The following NRAP variants were observed in gnomAD, a reference collection of about 807,000 sequenced individuals.
NRAP encodes nebulin related anchoring protein, also known as nebulin-related-anchoring protein.
Under a neutral mutation model 225.9 loss-of-function variants are expected in NRAP, and 189 were observed. That is an observed-to-expected ratio of 0.84 (90% CI 0.74 to 0.94). NRAP has a LOEUF of 0.94. NRAP is among the 40% of genes least tolerant of loss of function. The pLI, the probability that NRAP is intolerant of heterozygous loss-of-function variation, is 0.00. For missense variants in NRAP, 2,176 were observed against 2,168.7 expected (o/e 1.00, Z -0.07); for synonymous variants, 769 against 790.7 (o/e 0.97, Z 0.46).
intron 32 of NRAP, among the ~76,000 whole-genome samples, chr10:113,607,639 T>C (rs1476538315): frequency 6.6e-6 from 1 of 152,124 alleles, no homozygotes; most frequent in Non-Finnish European, 1.5e-5. Context: ...CAAGCTGCAA[T>C]TTCTTGCTTT....
At chr10:113,631,012 A>G (rs1343533991) in intron 18 of NRAP, among the ~76,000 whole-genome samples, 2 of 152,088 alleles carry the variant, frequency 1.3e-5, no homozygotes, top group African/African-American at 2.4e-5. Context: ...CTCTCCAGCT[A>G]TTACAGTTGT....
chr10:113,615,598 AT>A, intron 27 of NRAP, 113 bp downstream of exon 27: 1 of 706,924 alleles, frequency 1.4e-6, no homozygotes, highest in South Asian at 1.5e-5. Flanking sequence ...CAAGGTGGTG[AT>A]GGCAGAACAT....
chr10:113,628,777 G>A (rs918484748), intron 20 of NRAP, 140 bp downstream of exon 20: 4 of 594,878 alleles, frequency 6.7e-6, no homozygotes, highest in Non-Finnish European at 1.2e-5. Flanking sequence ...ATGTGCTACA[G>A]GTGTGAAATG....
At chr10:113,642,634 C>T (rs1849273519) in intron 12 of NRAP, among the ~76,000 whole-genome samples, 1 of 152,074 alleles carries the variant, frequency 6.6e-6, no homozygotes, top group South Asian at 2.1e-4. Context: ...TCAGCCAGGC[C>T]CCCTCACCAG....
intron 7 of NRAP, 134 bp from the exon 8 acceptor site, chr10:113,650,679 T>G: frequency 1.5e-6 from 1 of 669,484 alleles, no homozygotes; most frequent in Non-Finnish European, 2.7e-6. Flanking sequence ...GGCTTACAGT[T>G]TGATGGGCCA....
At chr10:113,633,869 T>C (rs1848709437) in intron 15 of NRAP, among the ~76,000 whole-genome samples, 1 of 152,102 alleles carries the variant, frequency 6.6e-6, no homozygotes, top group African/African-American at 2.4e-5. Flanking sequence ...TGGCCATGAG[T>C]TGATGGCTGT....
At chr10:113,624,953 C>T in intron 21 of NRAP, 23 bp from the exon 22 acceptor site, 1 of 1,541,478 alleles carries the variant, frequency 6.5e-7, no homozygotes, top group Middle Eastern at 1.7e-4. Context: ...AGCACTGAGT[C>T]AGGAGCAGGT....
chr10:113,648,483 A>ATATATG (rs1849737546), intron 9 of NRAP, among the ~76,000 whole-genome samples: 1 of 145,366 alleles, frequency 6.9e-6, no homozygotes, highest in African/African-American at 2.5e-5. Context: ...ATATATATAT[A>ATATATG]TATATATGTT....
chr10:113,603,187 C>T (rs1846713537), intron 35 of NRAP, among the ~76,000 whole-genome samples: 1 of 152,210 alleles, frequency 6.6e-6, no homozygotes, highest in Non-Finnish European at 1.5e-5. Flanking sequence ...ATGTTCCATG[C>T]CATCGTTACC....
At chr10:113,640,184 C>G (rs767346448) in intron 14 of NRAP, 43 bp downstream of exon 14, 2 of 1,143,798 alleles carry the variant, frequency 1.7e-6, no homozygotes, top group African/African-American at 1.6e-5. Flanking sequence ...AGGAAGGAAG[C>G]GACAAGTGAC....
chr10:113,637,636 T>A (rs951860369), intron 14 of NRAP, among the ~76,000 whole-genome samples: 1 of 152,112 alleles, frequency 6.6e-6, no homozygotes, highest in Non-Finnish European at 1.5e-5. Flanking sequence ...TTAAAAAACA[T>A]CATTAGGCTG....
chr10:113,605,884 CAT>C lies in NRAP; in HGVS notation c.3808-17_3808-16del. 6.4e-7 allele frequency: 1 copy of C among 1,573,832 alleles called. No homozygotes were observed. Among genetic ancestry groups the C allele is most frequent in the Non-Finnish European group, 8.7e-7 (1 of 1,145,854 alleles). On this transcript the variant is annotated splice_polypyrimidine_tract_variant and intron_variant, in intron 33 of 41. Transcript: ENST00000359988. ...TTGTATCTTGCCTAAAGTGGGAACA[CAT>C]GTAAATCTTTTTTAAAAAATTACAT...
At chr10:113,603,547 G>A (rs771255213) in intron 35 of NRAP, among the ~76,000 whole-genome samples, 4 of 152,090 alleles carry the variant, frequency 2.6e-5, no homozygotes, top group African/African-American at 4.8e-5. Flanking sequence ...GACTGCTTTC[G>A]CAAGTTTAAA....
chr10:113,628,867 G>A, intron 20 of NRAP, 50 bp downstream of exon 20: 1 of 952,722 alleles, frequency 1.0e-6, no homozygotes, highest in South Asian at 1.6e-5. Flanking sequence ...CACCCTGCAT[G>A]TGTCAGGGGC....
chr10:113,657,900 A>G (rs1229734219), intron 3 of NRAP, among the ~76,000 whole-genome samples: 1 of 152,192 alleles, frequency 6.6e-6, no homozygotes, highest in Non-Finnish European at 1.5e-5. Flanking sequence ...CTGGTTCTTA[A>G]TTTTAGTCAT....
intron 25 of NRAP, among the ~76,000 whole-genome samples, chr10:113,619,356 G>A (rs1847857109): frequency 6.6e-6 from 1 of 152,152 alleles, no homozygotes; most frequent in Non-Finnish European, 1.5e-5. Flanking sequence ...TCCTCCCAGA[G>A]GGCCTCTCCT....
At chr10:113,590,936 C>A (rs755742214) in intron 39 of NRAP, 47 bp from the exon 40 acceptor site, 10 of 1,556,598 alleles carry the variant, frequency 6.4e-6, no homozygotes, top group African/African-American at 5.4e-5. Context: ...CTACCTCCCC[C>A]AGGACCAGCC....
chr10:113,595,533 AC>A, intron 38 of NRAP, 89 bp downstream of exon 38: 1 of 782,008 alleles, frequency 1.3e-6, no homozygotes, highest in Non-Finnish European at 2.2e-6. Flanking sequence ...CCTTCCTAGA[AC>A]TTTTTTTTTT....
At chr10:113,656,420 T>C (rs1850311309) in intron 4 of NRAP, among the ~76,000 whole-genome samples, 1 of 152,216 alleles carries the variant, frequency 6.6e-6, no homozygotes, top group Non-Finnish European at 1.5e-5. Context: ...CAAGCTGTAC[T>C]CTGACCACCT....
Sources: allele counts gnomAD v4.1 joint callset (sites outside exome capture counted in the v4.1 genomes callset), GRCh38; gene constraint gnomAD v4.1.1; transcripts MANE v1.5; gene names NCBI Gene and HGNC (gene_info 2026-07-23, HGNC 2026-07-21).